Variants in EFHC2 observed in about 807,000 individuals in gnomAD.
EFHC2 encodes the protein EF-hand domain-containing family member C2.
EFHC2 carries 18 observed loss-of-function variants against 52.7 expected under a neutral mutation model. The observed-to-expected ratio is 0.34, with a 90% CI of 0.24 to 0.51. EFHC2 has a LOEUF of 0.51. EFHC2 is among the 20% of genes least tolerant of loss of function. EFHC2 has a pLI of 0.97. For synonymous variants in EFHC2, 203 were observed against 204.1 expected (o/e 0.99, Z 0.04); for missense variants, 513 against 562.5 (o/e 0.91, Z 0.89).
chrX:44,235,488 A>T (rs1337821338), intron 8 of EFHC2, 41 bp from the exon 9 acceptor site: 1 of 1,111,032 alleles, frequency 9.0e-7, no homozygotes, highest in Admixed American at 2.9e-5. Context: ...TTATACAGGT[A>T]ATCTTCCACA....
chrX:44,188,024 G>A (rs2147286593), intron 11 of EFHC2, among the ~76,000 whole-genome samples: 2 of 106,459 alleles, frequency 1.9e-5, no homozygotes, highest in African/African-American at 6.9e-5. Flanking sequence ...AGGCTGGAGT[G>A]GAGTGGTGCA....
intron 14 of EFHC2, among the ~76,000 whole-genome samples, chrX:44,160,441 G>A (rs1488810196): frequency 1.8e-5 from 2 of 111,582 alleles, no homozygotes; most frequent in Non-Finnish European, 3.8e-5. Context: ...TGAAATTTTT[G>A]TTCCATTATA....
At chrX:44,339,190 C>CCAAAAA (rs1260840700) in intron 1 of EFHC2, among the ~76,000 whole-genome samples, 9 of 40,433 alleles carry the variant, frequency 2.2e-4, no homozygotes, top group Admixed American at 2.2e-3. Context: ...GACTCCATCT[C>CCAAAAA]CAAAAAAAAA....
intron 8 of EFHC2, among the ~76,000 whole-genome samples, chrX:44,240,888 TTAAAAG>T (rs745728883): frequency 4.2e-4 from 47 of 111,662 alleles, no homozygotes; most frequent in African/African-American, 1.3e-3. Flanking sequence ...CCTAAAATCC[TTAAAAG>T]TAAAAGATTA....
chrX:44,207,340 C>T (rs1015692746), intron 11 of EFHC2, among the ~76,000 whole-genome samples: 3 of 111,090 alleles, frequency 2.7e-5, no homozygotes, highest in African/African-American at 9.8e-5. Flanking sequence ...GGTGAAACTC[C>T]GTCTCCACAA....
chrX:44,229,770 T>C lies in EFHC2; in HGVS notation c.1630A>G (p.Ser544Gly). 8.3e-7 allele frequency: 1 copy of C among 1,209,555 alleles called. No homozygotes were observed. Residue 544 changes from serine to glycine, a missense_variant, in exon 11 of 15, where the codon AGT (serine) becomes GGT (glycine). By Grantham distance (56) the Ser-to-Gly change is moderately conservative (BLOSUM62 0). Transcript: ENST00000420999. ...TTTTGTAGGGCAAGTTTGAGGTTAC[T>C]GAAAGGATACTGTAAGGGGGAAATG... ...MEQNTDKYPF[S>G]NLKLALQKLK...
rs769957621 is a variant in EFHC2, at chrX:44,340,608, G to A, written c.42+2939C>T. On this transcript the variant is annotated intron_variant, in intron 1 of 14. Transcript: ENST00000420999. ...CAGAAGGCGGAGGTTGCAGTGAGCC[G>A]AGATTGCACCACTGCACTCCAGCCT... Among the ~76,000 whole-genome samples the A allele has an allele frequency of 2.7e-5, 3 of 111,346 alleles. No homozygotes were observed. The Admixed American group carries it at 2.9e-4, about 11-fold the overall frequency.
chrX:44,221,483 G>T (rs1486395952), intron 11 of EFHC2, among the ~76,000 whole-genome samples: 9 of 111,866 alleles, frequency 8.0e-5, no homozygotes, highest in Non-Finnish European at 3.8e-5. Flanking sequence ...GTATTTCACT[G>T]ATATTTTTGT....
chrX:44,265,871 A>G (rs1569296975), intron 3 of EFHC2, among the ~76,000 whole-genome samples: 1 of 111,860 alleles, frequency 8.9e-6, no homozygotes, highest in Non-Finnish European at 1.9e-5. Context: ...AAGAATAATT[A>G]TTTTTATATA....
intron 14 of EFHC2, among the ~76,000 whole-genome samples, chrX:44,154,106 G>A (rs1360221084): frequency 1.8e-5 from 2 of 112,311 alleles, no homozygotes; most frequent in Non-Finnish European, 3.8e-5. Flanking sequence ...AACTGTCTAC[G>A]TGCAGCAGGC....
At chrX:44,237,561 A>G (rs778227468) in intron 8 of EFHC2, among the ~76,000 whole-genome samples, 3 of 111,411 alleles carry the variant, frequency 2.7e-5, no homozygotes, top group African/African-American at 6.5e-5. Context: ...ATTACCTCAA[A>G]TTCTTCTCCC....
At chrX:44,191,087 T>C (rs1438928061) in intron 11 of EFHC2, among the ~76,000 whole-genome samples, 3 of 112,048 alleles carry the variant, frequency 2.7e-5, no homozygotes, top group Non-Finnish European at 5.6e-5. Context: ...GCTCTACTTG[T>C]GATTTTTTGG....
At chrX:44,282,696 AC>A (rs1375844727) in intron 2 of EFHC2, among the ~76,000 whole-genome samples, 1 of 82,953 alleles carries the variant, frequency 1.2e-5, no homozygotes, top group Non-Finnish European at 2.3e-5. Context: ...CAAAAAAAAA[AC>A]ACCACAAGAC....
intron 2 of EFHC2, among the ~76,000 whole-genome samples, chrX:44,276,337 G>A (rs199547618): frequency 2.7e-5 from 3 of 111,832 alleles, no homozygotes; most frequent in East Asian, 5.6e-4. Flanking sequence ...GCTGAGGCAG[G>A]AGGATTGCTT....
chrX:44,333,388 GACAA>G (rs1015562767), intron 1 of EFHC2, among the ~76,000 whole-genome samples: 46 of 110,702 alleles, frequency 4.2e-4, no homozygotes, highest in African/African-American at 1.4e-3. Flanking sequence ...CAGGCAAGGG[GACAA>G]ACAAACTAAT....
chrX:44,188,611 A>G (rs1032393682), intron 11 of EFHC2, among the ~76,000 whole-genome samples: 1 of 111,720 alleles, frequency 9.0e-6, no homozygotes, highest in Admixed American at 9.5e-5. Context: ...GTGCTACAAT[A>G]AAGATATGTC....
chrX:44,274,475 T>C (rs1319077740), intron 2 of EFHC2, among the ~76,000 whole-genome samples: 2 of 112,488 alleles, frequency 1.8e-5, no homozygotes, highest in East Asian at 5.5e-4. Flanking sequence ...TGTCACTGAA[T>C]TGCACACTTT....
intron 2 of EFHC2, among the ~76,000 whole-genome samples, chrX:44,303,235 T>C (rs1306072797): frequency 3.6e-5 from 4 of 111,287 alleles, no homozygotes; most frequent in Non-Finnish European, 5.7e-5. Flanking sequence ...GGCCACTCTG[T>C]GACCGTGACG....
chrX:44,153,039 C>T (rs888483524), intron 14 of EFHC2, among the ~76,000 whole-genome samples: 4 of 112,029 alleles, frequency 3.6e-5, no homozygotes, highest in Non-Finnish European at 7.5e-5. Context: ...TCTTATGAAA[C>T]AGGTCAGGAC....
Sources: allele counts gnomAD v4.1 joint callset (sites outside exome capture counted in the v4.1 genomes callset), GRCh38; gene constraint gnomAD v4.1.1; transcripts MANE v1.5; gene names NCBI Gene and HGNC (gene_info 2026-07-23, HGNC 2026-07-21).